Variants in MAML3 observed in about 807,000 individuals in gnomAD.
The protein encoded by MAML3 is mastermind-like protein 3.
Under a neutral mutation model 101.9 loss-of-function variants are expected in MAML3, and 27 were observed. The observed-to-expected ratio is 0.27, with a 90% CI of 0.20 to 0.37. MAML3 has a LOEUF of 0.37. Ranked by LOEUF, MAML3 falls within the 10% of genes least tolerant of loss-of-function variation. The probability of loss-of-function intolerance (pLI) is 1.00; values close to 1 mark genes in which losing one functional copy is unlikely to be tolerated. For missense variants in MAML3, 1,316 were observed against 1,444.9 expected, an observed-to-expected ratio of 0.91 and a Z score of 1.45; for synonymous variants, 501 against 555.9, an observed-to-expected ratio of 0.90 and a Z score of 1.39.
intron 2 of MAML3, among the ~76,000 whole-genome samples, chr4:139,851,730 A>G (rs998003460): frequency 4.6e-5 from 7 of 152,204 alleles, no homozygotes; most frequent in African/African-American, 1.7e-4. Flanking sequence ...AAATAGGAAA[A>G]CATGGCTATG....
At chr4:139,946,200 G>T (rs1578611376) in intron 1 of MAML3, among the ~76,000 whole-genome samples, 3 of 152,304 alleles carry the variant, frequency 2.0e-5, no homozygotes, top group South Asian at 4.1e-4. Context: ...TGTGCAAGGT[G>T]TGATGAAATC....
intron 1 of MAML3, among the ~76,000 whole-genome samples, chr4:140,122,239 T>TTTA (rs1385083507): frequency 1.3e-5 from 2 of 150,144 alleles, no homozygotes; most frequent in Non-Finnish European, 3.0e-5. Flanking sequence ...TTTTTTTTTT[T>TTTA]AAACAGAGTT....
intron 2 of MAML3, among the ~76,000 whole-genome samples, chr4:139,747,401 T>C (rs1316852635): frequency 6.6e-6 from 1 of 152,194 alleles, no homozygotes; most frequent in East Asian, 1.9e-4. Flanking sequence ...TTTAAAAATG[T>C]CTTCCTTGTA....
At chr4:139,745,086 C>A (rs1278498569) in intron 2 of MAML3, among the ~76,000 whole-genome samples, 1 of 152,172 alleles carries the variant, frequency 6.6e-6, no homozygotes, top group Non-Finnish European at 1.5e-5. Flanking sequence ...TTAGCAGGGA[C>A]TTGACTGAGA....
chr4:139,922,705 G>T (rs1733150969), intron 1 of MAML3, among the ~76,000 whole-genome samples: 1 of 152,080 alleles, frequency 6.6e-6, no homozygotes, highest in Admixed American at 6.6e-5. Flanking sequence ...TCTTTCCCAA[G>T]GAAGAGTGAG....
intron 1 of MAML3, among the ~76,000 whole-genome samples, chr4:140,015,376 G>A (rs1031755748): frequency 2.6e-5 from 4 of 152,206 alleles, no homozygotes; most frequent in African/African-American, 9.6e-5. Flanking sequence ...AGCAAGAACA[G>A]AAGCTCTATA....
At chr4:140,151,097 T>G (rs7685569) in intron 1 of MAML3, among the ~76,000 whole-genome samples, 151,922 of 152,172 alleles carry the variant, frequency 1, 75,837 homozygotes, top group Middle Eastern at 1. Flanking sequence ...GGCCCCGGGG[T>G]CTGAGCTGGG....
intron 1 of MAML3, among the ~76,000 whole-genome samples, chr4:140,016,045 ATC>A (rs1235754684): frequency 6.6e-6 from 1 of 152,178 alleles, no homozygotes; most frequent in East Asian, 1.9e-4. Context: ...ATCTCAAGAG[ATC>A]TTTAAAAAAA....
intron 1 of MAML3, among the ~76,000 whole-genome samples, chr4:140,101,442 C>T (rs1351289559): frequency 2.0e-5 from 3 of 152,142 alleles, no homozygotes; most frequent in African/African-American, 7.2e-5. Context: ...GTATAATACA[C>T]ATTTCTTTCA....
chr4:140,060,365 C>CAAAAAACAAAAAAAAAAAA (rs1727424228), intron 1 of MAML3, among the ~76,000 whole-genome samples: 1 of 19,126 alleles, frequency 5.2e-5, no homozygotes, highest in African/African-American at 1.8e-4. Flanking sequence ...GACTCTGTCT[C>CAAAAAACAAAAAAAAAAAA]AAAAAAAAAA....
At chr4:139,899,590 C>T (rs1017964843) in intron 1 of MAML3, among the ~76,000 whole-genome samples, 1 of 151,998 alleles carries the variant, frequency 6.6e-6, no homozygotes, top group Non-Finnish European at 1.5e-5. Context: ...TGACCACATG[C>T]CACACATATG....
In MAML3 at chr4:139,725,657, C is replaced by G. The variant is rs1287656917; in HGVS notation, c.2416+94G>C. On this transcript the variant is annotated intron_variant, in intron 4 of 4. Transcript: ENST00000509479. ...ACATATTTTGAGTATTTCCTGGACA[C>G]AAATACAGCCAGTAAGGCAATGCCT... 2.4e-6 allele frequency: 3 copies of G among 1,228,794 alleles called. No individual in the cohort carries two copies. In the African/African-American group the frequency reaches 4.5e-5, roughly 18 times the overall value. 76.1% of individuals were successfully genotyped at this position (1,228,794 alleles called of 1,614,324 possible).
intron 2 of MAML3, among the ~76,000 whole-genome samples, chr4:139,762,196 A>G (rs1224243805): frequency 6.6e-6 from 1 of 152,184 alleles, no homozygotes; most frequent in African/African-American, 2.4e-5. Flanking sequence ...CCATGAGTGC[A>G]GGGCCTTGTC....
At chr4:140,137,230 C>T (rs1728905764) in intron 1 of MAML3, among the ~76,000 whole-genome samples, 1 of 152,122 alleles carries the variant, frequency 6.6e-6, no homozygotes, top group South Asian at 2.1e-4. Flanking sequence ...CCTCGTGATC[C>T]GCCCACCTCG....
intron 1 of MAML3, among the ~76,000 whole-genome samples, chr4:139,891,367 C>T (rs1732494357): frequency 6.6e-6 from 1 of 152,202 alleles, no homozygotes; most frequent in South Asian, 2.1e-4. Context: ...AGACCTTCAC[C>T]TCCCAGGTTC....
rs140936659 is a variant in MAML3 at position 139,954,332 on chromosome 4, C to T, written c.469-63365G>A. Among the ~76,000 whole-genome samples the T allele has an allele frequency of 4.7e-3, 708 of 152,250 alleles. 8 individuals are homozygous for T. The highest frequency in any genetic ancestry group is 0.016 in the African/African-American group (663 of 41,546). ...TTGTTAGCTTGTGCTTTGGGGATTG[C>T]TATTTTGTGTTTTAAAATTCACTTT... On this transcript the variant is annotated intron_variant, in intron 1 of 4. Coordinates refer to ENST00000509479, the MANE Select transcript of MAML3 (RefSeq NM_018717.5).
intron 1 of MAML3, among the ~76,000 whole-genome samples, chr4:139,999,805 C>T (rs773166294): frequency 1.4e-4 from 22 of 152,164 alleles, no homozygotes; most frequent in Non-Finnish European, 3.1e-4. Flanking sequence ...AATAAAAACA[C>T]AATTGATAAA....
chr4:139,890,113 A>C lies in MAML3; in HGVS notation c.1323T>G (p.Asn441Lys), dbSNP rs1054092046. Reference protein sequence around the residue: ...PPRPGNGYLLNPAAVTVAGSA... With the variant: ...PPRPGNGYLLKPAAVTVAGSA... Reference sequence around the variant, plus strand: ...AACCGGCCACTGTCACTGCTGCCGGATTCAGGAGATAACCATTTCCAGGCC... The same window carrying C: ...AACCGGCCACTGTCACTGCTGCCGGCTTCAGGAGATAACCATTTCCAGGCC... Residue 441 changes from asparagine to lysine, a missense_variant, in exon 2 of 5, where the codon AAT (asparagine) becomes AAG (lysine). Transcript: ENST00000509479. The surrounding 1 kb of genome is among the most constrained non-coding windows in gnomAD (Gnocchi z 4.1). 1.2e-6 allele frequency: 2 copies of C among 1,613,716 alleles called. No individual in the cohort carries two copies. Among genetic ancestry groups the C allele is most frequent in the African/African-American group, 2.7e-5 (2 of 74,908 alleles).
chr4:140,150,476 C>T (rs1729139826), intron 1 of MAML3, among the ~76,000 whole-genome samples: 1 of 152,176 alleles, frequency 6.6e-6, no homozygotes, highest in Non-Finnish European at 1.5e-5. Flanking sequence ...TGTCCAGAGA[C>T]CCGGCACTGG....
Sources: allele counts gnomAD v4.1 joint callset (sites outside exome capture counted in the v4.1 genomes callset), GRCh38; gene constraint gnomAD v4.1.1; non-coding constraint Gnocchi (gnomAD v3.1); transcripts MANE v1.5; gene names NCBI Gene and HGNC (gene_info 2026-07-23, HGNC 2026-07-21).